Variants in ASXL3 observed in about 807,000 individuals in gnomAD.
The protein encoded by ASXL3 is putative Polycomb group protein ASXL3.
A neutral mutation model predicts 170.6 loss-of-function variants in ASXL3; 34 were observed. The ratio of observed to expected loss-of-function variants is 0.20; its 90% confidence interval spans 0.15 to 0.27. ASXL3 has a LOEUF of 0.27. ASXL3 is among the 10% of genes least tolerant of loss of function. The pLI is 1.00. For synonymous variants in ASXL3, 1,002 were observed against 989.1 expected (o/e 1.01, Z -0.24); for missense variants, 2,592 against 2,695.3 (o/e 0.96, Z 0.85).
intron 1 of ASXL3, among the ~76,000 whole-genome samples, chr18:33,590,250 G>C (rs928326966): frequency 6.6e-6 from 1 of 151,194 alleles, no homozygotes; most frequent in East Asian, 2.0e-4. Flanking sequence ...ACAGCCTAAA[G>C]ACAATCTCAG....
At chr18:33,645,493 G>C (rs1283725624) in intron 3 of ASXL3, among the ~76,000 whole-genome samples, 4 of 151,876 alleles carry the variant, frequency 2.6e-5, no homozygotes, top group Admixed American at 2.6e-4. Flanking sequence ...ATGCACACTT[G>C]TATGAGAAGA....
In ASXL3 at chr18:33,625,110, T is replaced by C. The variant is rs567162703; in HGVS notation, c.137+17434T>C. Among the ~76,000 whole-genome samples, 5 of 152,192 alleles carry C rather than the reference T, an allele frequency of 3.3e-5. No homozygotes were observed. In the South Asian group the frequency reaches 1.0e-3, roughly 31 times the overall value. Reference sequence around the variant, plus strand: ...CTCCTGGGAAACTTCCCCCAAGAAATATGGTTTCTTCTTTTGTATTCCTTG... The same window carrying C: ...CTCCTGGGAAACTTCCCCCAAGAAACATGGTTTCTTCTTTTGTATTCCTTG... On this transcript the variant is annotated intron_variant, in intron 2 of 11. Transcript: ENST00000269197.
chr18:33,736,016 C>T (rs1188870866), intron 10 of ASXL3, among the ~76,000 whole-genome samples: 1 of 152,072 alleles, frequency 6.6e-6, no homozygotes, highest in Non-Finnish European at 1.5e-5. Flanking sequence ...TTCATTTAAT[C>T]CTCCCAACAA....
In ASXL3 at chr18:33,738,752, A is replaced by T; in HGVS notation, c.1348A>T (p.Ile450Phe). 6.2e-7 allele frequency: 1 copy of T among 1,613,952 alleles called. No individual in the cohort carries two copies. The change falls in exon 11 of 12, where the codon ATT becomes TTT. Residue 450 changes from isoleucine (I) to phenylalanine (F), a missense_variant. Transcript: ENST00000269197. ...TATCTTGATCCCTGAAGAATCTGTA[A>T]TTCAGGAGGAAATTGCAGAAGAGGT... ...EDILIPEESV[I>F]QEEIAEEVET...
At position 33,743,725 on chromosome 18, in the gene ASXL3, A is replaced by G. The variant is rs1206845995; in HGVS notation, c.3877A>G (p.Ile1293Val). Reference protein sequence around the residue: ...KTIQGTDTPCIAIIPKCIEST... With the variant: ...KTIQGTDTPCVAIIPKCIEST... Reference sequence around the variant, plus strand: ...CATCCAGGGAACTGACACTCCATGCATAGCCATTATACCAAAATGTATTGA... The same window carrying G: ...CATCCAGGGAACTGACACTCCATGCGTAGCCATTATACCAAAATGTATTGA... The change falls in exon 12 of 12, where the codon ATA (isoleucine) becomes GTA (valine). Residue 1293 changes from isoleucine (I) to valine (V), a missense_variant. Coordinates refer to ENST00000269197, the MANE Select transcript of ASXL3 (RefSeq NM_030632.3). The G allele has an allele frequency of 6.2e-7, 1 of 1,613,930 alleles. No homozygotes were observed. The highest frequency in any genetic ancestry group is 1.3e-5 in the African/African-American group (1 of 75,064).
intron 8 of ASXL3, among the ~76,000 whole-genome samples, chr18:33,691,718 C>T (rs771099861): frequency 6.6e-6 from 1 of 151,910 alleles, no homozygotes; most frequent in Non-Finnish European, 1.5e-5. Context: ...GCTATGGGAA[C>T]ATAGAGGAGA....
Position 33,746,217 on chromosome 18 carries a change from T to A in ASXL3, c.6369T>A (p.Ser2123=), listed in dbSNP as rs773495553. 1.2e-6 allele frequency: 2 copies of A among 1,613,972 alleles called. No homozygotes were observed. The highest frequency in any genetic ancestry group is 2.2e-5 in the South Asian group (2 of 91,082). The part of the protein sequence containing the change: ...KAFALKSADF[S]SYLLSEPQKP... ...TCGCGCTAAAAAGTGCAGATTTCTC[T>A]TCCTATTTGCTTTCTGAGCCACAAA... The change falls in exon 12 of 12, where the codon TCT becomes TCA. Residue 2123 remains serine, a synonymous_variant. Coordinates refer to ENST00000269197, the MANE Select transcript of ASXL3 (RefSeq NM_030632.3).
rs2066768912 is a variant in ASXL3 at position 33,696,036 on chromosome 18, T to A, written c.879+12468T>A. ...GGGGAGAATCATGCATGTGGTAGAT[T>A]ACACATTAGTGCCTGTTCTTTTAGT... On this transcript the variant is annotated intron_variant, in intron 8 of 11. Coordinates refer to ENST00000269197, the MANE Select transcript of ASXL3 (RefSeq NM_030632.3). Among the ~76,000 whole-genome samples, 8 of 152,212 alleles carry A rather than the reference T, an allele frequency of 5.3e-5. No individual in the cohort carries two copies. The South Asian group carries it at 1.5e-3, about 28-fold the overall frequency.
intron 1 of ASXL3, among the ~76,000 whole-genome samples, chr18:33,603,984 C>T (rs1482217397): frequency 6.6e-6 from 1 of 152,030 alleles, no homozygotes; most frequent in Non-Finnish European, 1.5e-5. Context: ...ATTCTAGCTA[C>T]AGATATTCTT....
intron 8 of ASXL3, among the ~76,000 whole-genome samples, chr18:33,697,544 G>A (rs2066791980): frequency 6.6e-6 from 1 of 152,092 alleles, no homozygotes; most frequent in Non-Finnish European, 1.5e-5. Flanking sequence ...TTTGTGCTCA[G>A]TTTATAGTGA....
intron 7 of ASXL3, among the ~76,000 whole-genome samples, chr18:33,677,872 T>C (rs946856155): frequency 2.6e-5 from 4 of 152,128 alleles, no homozygotes; most frequent in Non-Finnish European, 5.9e-5. Context: ...AGCCGATTTT[T>C]CTTCTCTGAG....
chr18:33,649,180 A>G (rs2065959593), intron 4 of ASXL3, among the ~76,000 whole-genome samples: 2 of 152,094 alleles, frequency 1.3e-5, no homozygotes, highest in Non-Finnish European at 1.5e-5. Flanking sequence ...GTTAAGGAAA[A>G]TTGATAATGT....
At chr18:33,651,437 G>T (rs1346822068) in intron 4 of ASXL3, among the ~76,000 whole-genome samples, 2 of 152,022 alleles carry the variant, frequency 1.3e-5, no homozygotes, top group African/African-American at 4.8e-5. Context: ...AGAGAGAGGG[G>T]TGTGGGAGAG....
Position 33,746,800 on chromosome 18 carries a change from T to C in ASXL3, c.*205T>C. ...CTGAATGGCTCACTGGCATGTCTTT[T>C]ATGTGTTCAGTTGCCATTCCTAGCT... On this transcript the variant is annotated 3_prime_UTR_variant, in exon 12 of 12. Transcript: ENST00000269197. The C allele has an allele frequency of 1.3e-6, 1 of 778,440 alleles. No individual in the cohort carries two copies. The highest frequency in any genetic ancestry group is 1.9e-6 in the Non-Finnish European group (1 of 533,352). The allele number at this position is 778,440 out of a possible 1,614,324, so 48.2% of individuals were successfully genotyped here. A position where few individuals can be genotyped will look rare whatever the true frequency, so the allele number is the denominator to read the frequency against.
chr18:33,652,874 G>A (rs763535027), intron 4 of ASXL3, among the ~76,000 whole-genome samples: 1 of 151,988 alleles, frequency 6.6e-6, no homozygotes, highest in Admixed American at 6.6e-5. Flanking sequence ...GGCCTGAAGT[G>A]TGTGAATATA....
At chr18:33,690,423 A>G (rs1310308465) in intron 8 of ASXL3, 3 of 152,204 alleles carry the variant, frequency 2.0e-5, no homozygotes, top group Admixed American at 6.5e-5. Flanking sequence ...ATGCACCTGT[A>G]TATGTGTGTG....
chr18:33,580,112 T>C (rs2064979755), intron 1 of ASXL3, among the ~76,000 whole-genome samples: 5 of 152,194 alleles, frequency 3.3e-5, no homozygotes, highest in Admixed American at 3.3e-4. Context: ...CTTAATCTCT[T>C]AATTTTGTAG....
In ASXL3 at chr18:33,711,704, A is replaced by T. The variant is rs148441529; in HGVS notation, c.880-20264A>T. 1.3e-3 allele frequency among the ~76,000 whole-genome samples: 196 copies of T among 152,234 alleles called. 1 individual carries two copies. Among genetic ancestry groups the T allele is most frequent in the African/African-American group, 4.5e-3 (188 of 41,540 alleles). On this transcript the variant is annotated intron_variant, in intron 8 of 11. Transcript: ENST00000269197. Reference sequence around the variant, plus strand: ...CTGTGAGTCCTGTGGGTGAGACCATATGGTGTGATTAGATCACTCGGTGTC... The same window carrying T: ...CTGTGAGTCCTGTGGGTGAGACCATTTGGTGTGATTAGATCACTCGGTGTC...
rs570096521 is a variant in ASXL3, at chr18:33,703,167, G to T, written c.879+19599G>T. Among the ~76,000 whole-genome samples the T allele has an allele frequency of 5.8e-4, 88 of 152,084 alleles. No individual in the cohort carries two copies. The South Asian group carries it at 0.016, about 28-fold the overall frequency. On this transcript the variant is annotated intron_variant, in intron 8 of 11. Coordinates refer to ENST00000269197, the MANE Select transcript of ASXL3 (RefSeq NM_030632.3). Reference sequence around the variant, plus strand: ...TAAAGCTACCAGTCTCCTCTTAATTGCTCACGACCAAAATCTCCATTGGTT... The same window carrying T: ...TAAAGCTACCAGTCTCCTCTTAATTTCTCACGACCAAAATCTCCATTGGTT...
Sources: allele counts gnomAD v4.1 joint callset (sites outside exome capture counted in the v4.1 genomes callset), GRCh38; gene constraint gnomAD v4.1.1; transcripts MANE v1.5; gene names NCBI Gene and HGNC (gene_info 2026-07-23, HGNC 2026-07-21).